ABHD6: variants seen among roughly 807,000 people sequenced by gnomAD.
ABHD6 encodes monoacylglycerol lipase ABHD6.
A neutral mutation model predicts 38.8 loss-of-function variants in ABHD6; 33 were observed. That is an observed-to-expected ratio of 0.85 (90% CI 0.64 to 1.14). The LOEUF is 1.14. ABHD6 is among the 50% of genes most tolerant of loss of function. ABHD6 has a pLI of 0.00. For synonymous variants in ABHD6, 147 were observed against 161.6 expected, an observed-to-expected ratio of 0.91 and a Z score of 0.69; for missense variants, 380 against 422.6, an observed-to-expected ratio of 0.90 and a Z score of 0.88.
In ABHD6 at chr3:58,293,567, A is replaced by T; in HGVS notation, c.838-22A>T. ...GTGTCTGAATCTTTGTGTATCATCC[A>T]GCTCCCTTTCTTGCCCAGCAGGTGC... On this transcript the variant is annotated intron_variant, in intron 9 of 9. Transcript: ENST00000478253. This position sits in a 1 kb window ranked among gnomAD's most constrained non-coding sequence, Gnocchi z 4.4. 6.2e-7 allele frequency: 1 copy of T among 1,612,768 alleles called. No individual in the cohort carries two copies. The highest frequency in any genetic ancestry group is 8.5e-7 in the Non-Finnish European group (1 of 1,179,180).
chr3:58,249,616 T>C (rs995327306), intron 1 of ABHD6, among the ~76,000 whole-genome samples: 1 of 152,250 alleles, frequency 6.6e-6, no homozygotes, highest in Non-Finnish European at 1.5e-5. Flanking sequence ...ATTTCTTCTT[T>C]GACCTCTGTC....
Position 58,269,347 on chromosome 3 carries a change from C to T in ABHD6, c.303C>T (p.Val101=). Reference sequence around the variant, plus strand: ...TCCTTCCAAAGAACCTGCACTTGGTCTGCGTGGACATGCCAGGACATGAGG... The same window carrying T: ...TCCTTCCAAAGAACCTGCACTTGGTTTGCGTGGACATGCCAGGACATGAGG... ...VKFLPKNLHL[V]CVDMPGHEGT... The change falls in exon 5 of 10, where the codon GTC becomes GTT. Residue 101 remains valine, a synonymous_variant. Transcript: ENST00000478253. The surrounding 1 kb of genome is among the most constrained non-coding windows in gnomAD (Gnocchi z 4.4). The T allele has an allele frequency of 6.2e-7, 1 of 1,613,910 alleles. No individual in the cohort carries two copies. The highest frequency in any genetic ancestry group is 1.7e-4 in the Middle Eastern group (1 of 6,060).
chr3:58,247,115 T>G (rs2097426972), intron 1 of ABHD6, among the ~76,000 whole-genome samples: 2 of 150,716 alleles, frequency 1.3e-5, no homozygotes, highest in South Asian at 2.1e-4. Flanking sequence ...CTCCGCCTCC[T>G]GGGTTAAAGG....
In ABHD6 at chr3:58,286,852, G is replaced by GTATATATATATATATATA. The variant is rs1235603195; in HGVS notation, c.837+1416_837+1417insATATATATATATATATAT. Among the ~76,000 whole-genome samples the GTATATATATATATATATA allele has an allele frequency of 1.8e-3, 127 of 70,616 alleles. 3 individuals are homozygous for GTATATATATATATATATA. The highest frequency in any genetic ancestry group is 4.3e-3 in the African/African-American group (92 of 21,150). 46.3% of individuals were successfully genotyped at this position (70,616 alleles called of 152,430 possible). ...TGTGTGTGTGTGTGTGTGTGTGTGT[G>GTATATATATATATATATA]TATATATATATATATATGTATATGT... On this transcript the variant is annotated intron_variant, in intron 9 of 9. Transcript: ENST00000478253.
At chr3:58,278,201 G>C (rs1287047861) in intron 7 of ABHD6, among the ~76,000 whole-genome samples, 2 of 152,154 alleles carry the variant, frequency 1.3e-5, no homozygotes, top group African/African-American at 4.8e-5. Context: ...TGTACCTCTG[G>C]TAGAATTCGC....
rs1455955759 is a variant in ABHD6, at chr3:58,256,427, G to T, written c.-25-135G>T. On this transcript the variant is annotated intron_variant, in intron 2 of 9. Coordinates refer to ENST00000478253, the MANE Select transcript of ABHD6 (RefSeq NM_001320126.2). This position sits in a 1 kb window ranked among gnomAD's most constrained non-coding sequence, Gnocchi z 4.3. Reference sequence around the variant, plus strand: ...TCATGTCTATTTGGTTTTTTGTAAAGCACTTGCCTGCTTTGGTTTCCTCCT... The same window carrying T: ...TCATGTCTATTTGGTTTTTTGTAAATCACTTGCCTGCTTTGGTTTCCTCCT... 3 of 525,828 alleles carry T rather than the reference G, an allele frequency of 5.7e-6. No homozygotes were observed. Among genetic ancestry groups the T allele is most frequent in the South Asian group, 2.8e-5 (1 of 35,864 alleles). The allele number at this position is 525,828 out of a possible 1,614,324, so 32.6% of individuals were successfully genotyped here.
At position 58,270,968 on chromosome 3, in the gene ABHD6, C is replaced by T. The variant is rs1449510717; in HGVS notation, c.427C>T (p.His143Tyr). Residue 143 changes from histidine (H) to tyrosine (Y), a missense_variant, in exon 6 of 10, where the codon CAC becomes TAC. Transcript: ENST00000478253. ...ECLKLNKKPF[H>Y]LVGTSMGGQV... ...CCTGAAGCTGAACAAAAAACCTTTC[C>T]ACCTGGTAGGCACCTCCATGGGTGG... 6.2e-7 allele frequency: 1 copy of T among 1,611,216 alleles called. No individual in the cohort carries two copies. Among genetic ancestry groups the T allele is most frequent in the Admixed American group, 1.7e-5 (1 of 58,996 alleles).
chr3:58,248,044 G>A (rs1003975315), intron 1 of ABHD6, among the ~76,000 whole-genome samples: 7 of 152,080 alleles, frequency 4.6e-5, no homozygotes, highest in South Asian at 2.1e-4. Flanking sequence ...GATTTCCCAC[G>A]TACATAAGCA....
At chr3:58,240,767 G>T (rs533417655) in intron 1 of ABHD6, among the ~76,000 whole-genome samples, 209 of 135,548 alleles carry the variant, frequency 1.5e-3, no homozygotes, top group African/African-American at 5.8e-3. Context: ...GTCTTGCTCT[G>T]TCGCCCAGGC....
chr3:58,246,525 ACCAG>A (rs1393567832), intron 1 of ABHD6, among the ~76,000 whole-genome samples: 1 of 152,132 alleles, frequency 6.6e-6, no homozygotes, highest in African/African-American at 2.4e-5. Flanking sequence ...CACCCACAGG[ACCAG>A]CCTGGCTGGG....
In ABHD6 at chr3:58,257,394, C is replaced by T. The variant is rs549890699; in HGVS notation, c.119+689C>T. Reference sequence around the variant, plus strand: ...TTGGTTTTTTTTTTGAAACAGTCTCCCTCTGTCACCTAGGCTGGAGTGCAG... The same window carrying T: ...TTGGTTTTTTTTTTGAAACAGTCTCTCTCTGTCACCTAGGCTGGAGTGCAG... On this transcript the variant is annotated intron_variant, in intron 3 of 9. Coordinates refer to ENST00000478253, the MANE Select transcript of ABHD6 (RefSeq NM_001320126.2). The surrounding 1 kb of genome is among the most constrained non-coding windows in gnomAD (Gnocchi z 4.8). 4.4e-4 allele frequency among the ~76,000 whole-genome samples: 64 copies of T among 145,886 alleles called. 1 individual carries two copies. Among genetic ancestry groups the T allele is most frequent in the Admixed American group, 3.6e-3 (53 of 14,574 alleles).
rs2097429974 is a variant in ABHD6, at chr3:58,251,572, C to A, written c.-26+1630C>A. Among the ~76,000 whole-genome samples the A allele has an allele frequency of 6.6e-6, 1 of 152,140 alleles. No individual in the cohort carries two copies. Among genetic ancestry groups the A allele is most frequent in the African/African-American group, 2.4e-5 (1 of 41,416 alleles). ...CCCTGATGTAATGTTTATCTGGATC[C>A]ACTGACATGTCCCCTATCCAATTAA... On this transcript the variant is annotated intron_variant, in intron 2 of 9. Transcript: ENST00000478253. The surrounding 1 kb of genome is among the most constrained non-coding windows in gnomAD (Gnocchi z 5.4).
intron 1 of ABHD6, among the ~76,000 whole-genome samples, chr3:58,243,622 C>A: frequency 6.6e-6 from 1 of 151,618 alleles, no homozygotes; most frequent in Non-Finnish European, 1.5e-5. Context: ...TATCTAGTAT[C>A]TGATTCTCCG....
intron 7 of ABHD6, 63 bp downstream of exon 7, chr3:58,274,878 T>C: frequency 6.4e-7 from 1 of 1,551,350 alleles, no homozygotes; most frequent in Non-Finnish European, 8.8e-7. Flanking sequence ...AGTACCAGCT[T>C]CCTGCACGTA....
chr3:58,293,395 A>C lies in ABHD6; in HGVS notation c.838-194A>C, dbSNP rs1055264533. 6.6e-6 allele frequency among the ~76,000 whole-genome samples: 1 copy of C among 152,312 alleles called. No individual in the cohort carries two copies. Among genetic ancestry groups the C allele is most frequent in the East Asian group, 1.9e-4 (1 of 5,184 alleles). On this transcript the variant is annotated intron_variant, in intron 9 of 9. Transcript: ENST00000478253. This position sits in a 1 kb window ranked among gnomAD's most constrained non-coding sequence, Gnocchi z 4.4. ...CCAACTCCTGGCACAGAGTTGCAGAATAAAACAGGAGGCATCATGGTTACT... is the reference window on the plus strand; with the variant it reads ...CCAACTCCTGGCACAGAGTTGCAGACTAAAACAGGAGGCATCATGGTTACT...
chr3:58,272,194 G>A (rs934195886), intron 6 of ABHD6, among the ~76,000 whole-genome samples: 12 of 152,142 alleles, frequency 7.9e-5, no homozygotes, highest in African/African-American at 2.7e-4. Flanking sequence ...GACTTTTTAC[G>A]TATGCAGTTA....
At chr3:58,248,912 C>A (rs139807723) in intron 1 of ABHD6, among the ~76,000 whole-genome samples, 7 of 152,230 alleles carry the variant, frequency 4.6e-5, no homozygotes, top group African/African-American at 7.2e-5. Context: ...TCACCATCAC[C>A]CTGTAGATTT....
intron 4 of ABHD6, among the ~76,000 whole-genome samples, chr3:58,268,441 TG>T (rs2107452633): frequency 6.6e-6 from 1 of 152,302 alleles, no homozygotes; most frequent in Non-Finnish European, 1.5e-5. Context: ...AGTCACTTTT[TG>T]TCTTGGTTTA....
In ABHD6 at chr3:58,238,709, A is replaced by G. The variant is rs1443051084; in HGVS notation, c.-91+793A>G. On this transcript the variant is annotated intron_variant, in intron 1 of 9. Transcript: ENST00000478253. The surrounding 1 kb of genome is among the most constrained non-coding windows in gnomAD (Gnocchi z 6.9). ...ATGCCAGAGGGTCTAGATACTGTGC[A>G]TGCAGAGAATATGTATTTTGAGCCC... 1.3e-5 allele frequency: 2 copies of G among 152,452 alleles called. No homozygotes were observed. The highest frequency in any genetic ancestry group is 4.8e-5 in the African/African-American group (2 of 41,466). The allele number at this position is 152,452 out of a possible 1,614,324, so 9.4% of individuals were successfully genotyped here.
Sources: allele counts gnomAD v4.1 joint callset (sites outside exome capture counted in the v4.1 genomes callset), GRCh38; gene constraint gnomAD v4.1.1; non-coding constraint Gnocchi (gnomAD v3.1); transcripts MANE v1.5; gene names NCBI Gene and HGNC (gene_info 2026-07-23, HGNC 2026-07-21).